IQCJ: variants seen among roughly 807,000 people sequenced by gnomAD.
The protein encoded by IQCJ is IQ domain-containing protein J.
In IQCJ, 9 loss-of-function variants were observed where a neutral mutation model predicts 11.0. The observed-to-expected ratio is 0.82, with a 90% CI of 0.49 to 1.43. The LOEUF is 1.43. Ranked by LOEUF, IQCJ falls within the 40% of genes most tolerant of loss-of-function variation. IQCJ has a pLI of 0.00. For synonymous variants in IQCJ, 55 were observed against 51.3 expected (o/e 1.07, Z -0.31); for missense variants, 146 against 133.2 (o/e 1.10, Z -0.47).
intron 1 of IQCJ, among the ~76,000 whole-genome samples, chr3:159,221,242 T>C (rs1330945008): frequency 1.3e-5 from 2 of 152,144 alleles, no homozygotes; most frequent in Non-Finnish European, 1.5e-5. Context: ...GGAGTTTAAA[T>C]TTCTTCTCGT....
At chr3:159,208,370 C>G (rs575690156) in intron 1 of IQCJ, among the ~76,000 whole-genome samples, 2 of 152,160 alleles carry the variant, frequency 1.3e-5, no homozygotes, top group African/African-American at 2.4e-5. Flanking sequence ...AGCTGATGTG[C>G]CTGCAGAGTC....
intron 1 of IQCJ, among the ~76,000 whole-genome samples, chr3:159,198,813 G>T (rs1488011683): frequency 6.6e-6 from 1 of 152,170 alleles, no homozygotes; most frequent in African/African-American, 2.4e-5. Context: ...AAAGCCAACT[G>T]CTTCTGAATT....
intron 1 of IQCJ, among the ~76,000 whole-genome samples, chr3:159,163,936 A>G (rs1199419553): frequency 6.6e-6 from 1 of 152,130 alleles, no homozygotes; most frequent in African/African-American, 2.4e-5. Context: ...CTTTCACCAT[A>G]ATTACATGGT....
intron 1 of IQCJ, among the ~76,000 whole-genome samples, chr3:159,149,158 G>A (rs1721068979): frequency 6.6e-6 from 1 of 152,190 alleles, no homozygotes. Context: ...AGATAAAAAT[G>A]ACTTTTCTTC....
intron 1 of IQCJ, among the ~76,000 whole-genome samples, chr3:159,198,214 A>C (rs1333089998): frequency 6.6e-6 from 1 of 152,194 alleles, no homozygotes; most frequent in Non-Finnish European, 1.5e-5. Flanking sequence ...AATTTTAATC[A>C]AGTAGAAAAG....
chr3:159,134,954 T>G (rs1354386846), intron 1 of IQCJ, among the ~76,000 whole-genome samples: 1 of 152,160 alleles, frequency 6.6e-6, no homozygotes, highest in East Asian at 1.9e-4. Context: ...TAAGTCTACT[T>G]GGGAAAATGT....
chr3:159,185,712 G>C (rs566771930), intron 1 of IQCJ, among the ~76,000 whole-genome samples: 1 of 152,198 alleles, frequency 6.6e-6, no homozygotes, highest in Non-Finnish European at 1.5e-5. Flanking sequence ...CCGGCTTTTA[G>C]CAAGAGGCTT....
intron 1 of IQCJ, among the ~76,000 whole-genome samples, chr3:159,222,115 A>C (rs948802549): frequency 6.6e-6 from 1 of 152,008 alleles, no homozygotes; most frequent in Non-Finnish European, 1.5e-5. Flanking sequence ...TCGAAATAGA[A>C]CTCCTATATG....
chr3:159,126,705 G>A (rs1469277431), intron 1 of IQCJ, among the ~76,000 whole-genome samples: 1 of 152,214 alleles, frequency 6.6e-6, no homozygotes, highest in Non-Finnish European at 1.5e-5. Context: ...AATGACTTCT[G>A]AGAGCACCCT....
intron 1 of IQCJ, among the ~76,000 whole-genome samples, chr3:159,123,492 A>T (rs2108145808): frequency 6.6e-6 from 1 of 152,094 alleles, no homozygotes; most frequent in South Asian, 2.1e-4. Flanking sequence ...TGTTTTTCCT[A>T]AGGGTGATGA....
intron 1 of IQCJ, among the ~76,000 whole-genome samples, chr3:159,163,706 C>T (rs1347946509): frequency 6.6e-6 from 1 of 152,052 alleles, no homozygotes; most frequent in Non-Finnish European, 1.5e-5. Flanking sequence ...TGTAACAATC[C>T]TAGAAAGTAG....
intron 1 of IQCJ, among the ~76,000 whole-genome samples, chr3:159,155,613 A>T (rs945757462): frequency 2.0e-5 from 3 of 152,202 alleles, no homozygotes; most frequent in Non-Finnish European, 4.4e-5. Context: ...TTACAGGAAA[A>T]CTTTAAACAA....
intron 1 of IQCJ, among the ~76,000 whole-genome samples, chr3:159,119,959 A>G (rs1383612169): frequency 1.3e-5 from 2 of 152,222 alleles, no homozygotes; most frequent in African/African-American, 4.8e-5. Flanking sequence ...CTACTCTAGT[A>G]TGAGATCCAT....
chr3:159,260,797 T>C (rs1728158208), intron 3 of IQCJ, among the ~76,000 whole-genome samples: 1 of 152,114 alleles, frequency 6.6e-6, no homozygotes, highest in African/African-American at 2.4e-5. Flanking sequence ...GTATGTATAA[T>C]CTGAAGAGTC....
chr3:159,191,862 A>G (rs1316631086), intron 1 of IQCJ, among the ~76,000 whole-genome samples: 1 of 152,202 alleles, frequency 6.6e-6, no homozygotes, highest in Non-Finnish European at 1.5e-5. Flanking sequence ...TCTGTTTCCC[A>G]TTCTTCCCAT....
chr3:159,127,233 C>T (rs1392943), intron 1 of IQCJ, among the ~76,000 whole-genome samples: 2 of 152,010 alleles, frequency 1.3e-5, no homozygotes, highest in African/African-American at 2.4e-5. Flanking sequence ...TGCCTTCTTC[C>T]TTTCTCATTT....
intron 1 of IQCJ, among the ~76,000 whole-genome samples, chr3:159,226,020 G>A (rs1322133221): frequency 6.6e-6 from 1 of 152,148 alleles, no homozygotes; most frequent in Non-Finnish European, 1.5e-5. Flanking sequence ...GAGATGCACA[G>A]GGCAAGGTAT....
intron 1 of IQCJ, among the ~76,000 whole-genome samples, chr3:159,227,047 G>A (rs1725899569): frequency 6.6e-6 from 1 of 152,148 alleles, no homozygotes; most frequent in Non-Finnish European, 1.5e-5. Context: ...GAAATCAGGA[G>A]GCTTAATGAG....
At chr3:159,157,669 G>A (rs1178228579) in intron 1 of IQCJ, among the ~76,000 whole-genome samples, 2 of 152,176 alleles carry the variant, frequency 1.3e-5, no homozygotes, top group African/African-American at 4.8e-5. Context: ...TTCTGCCCTT[G>A]TCTAACATCT....
Sources: allele counts gnomAD v4.1 joint callset (sites outside exome capture counted in the v4.1 genomes callset), GRCh38; gene constraint gnomAD v4.1.1; transcripts MANE v1.5; gene names NCBI Gene and HGNC (gene_info 2026-07-23, HGNC 2026-07-21).